The following LRMDA variants were observed in gnomAD, a reference collection of about 807,000 sequenced individuals.
LRMDA encodes the protein leucine-rich melanocyte differentiation-associated protein.
In LRMDA, 18 loss-of-function variants were observed where a neutral mutation model predicts 29.8. That is an observed-to-expected ratio of 0.60 (90% CI 0.42 to 0.90). The LOEUF is 0.90. LRMDA is among the 40% of genes least tolerant of loss of function. The probability of loss-of-function intolerance (pLI) is 0.00; values close to 1 mark genes in which losing one functional copy is unlikely to be tolerated. For missense variants in LRMDA, 273 were observed against 273.9 expected (o/e 1.00, Z 0.02); for synonymous variants, 125 against 109.4 (o/e 1.14, Z -0.89).
At chr10:76,319,825 C>T (rs531943608) in intron 5 of LRMDA, among the ~76,000 whole-genome samples, 7 of 152,232 alleles carry the variant, frequency 4.6e-5, no homozygotes, top group African/African-American at 7.2e-5. Context: ...CATGCCAAAG[C>T]GCTCCACTTG....
intron 5 of LRMDA, among the ~76,000 whole-genome samples, chr10:76,124,258 A>G (rs1849839703): frequency 6.6e-6 from 1 of 152,210 alleles, no homozygotes; most frequent in South Asian, 2.1e-4. Flanking sequence ...ATTTCTCAGG[A>G]TGACCCAGAA....
chr10:75,487,118 G>C (rs2132057774), intron 2 of LRMDA, among the ~76,000 whole-genome samples: 1 of 152,270 alleles, frequency 6.6e-6, no homozygotes, highest in East Asian at 1.9e-4. Flanking sequence ...AATGATGTGT[G>C]GTTGGTAGGA....
At chr10:75,726,052 C>T (rs1278847910) in intron 2 of LRMDA, among the ~76,000 whole-genome samples, 1 of 152,148 alleles carries the variant, frequency 6.6e-6, no homozygotes, top group Non-Finnish European at 1.5e-5. Context: ...TTAGTGCAAT[C>T]AGTCAACACT....
chr10:75,478,501 C>T (rs1208201857), intron 2 of LRMDA, among the ~76,000 whole-genome samples: 1 of 152,172 alleles, frequency 6.6e-6, no homozygotes, highest in Admixed American at 6.5e-5. Flanking sequence ...CTATATTTGA[C>T]TGAATTAAGC....
At chr10:76,306,738 A>T (rs768995541) in intron 5 of LRMDA, among the ~76,000 whole-genome samples, 1 of 152,224 alleles carries the variant, frequency 6.6e-6, no homozygotes, top group African/African-American at 2.4e-5. Context: ...TGCATATGTC[A>T]AAATTAAAAC....
intron 3 of LRMDA, among the ~76,000 whole-genome samples, chr10:76,038,968 AG>A (rs1848297771): frequency 6.6e-6 from 1 of 152,186 alleles, no homozygotes; most frequent in Non-Finnish European, 1.5e-5. Context: ...GGATGGTCTA[AG>A]ATGACCTCAC....
chr10:75,438,359 T>G (rs779672306), intron 1 of LRMDA, 35 bp from the exon 2 acceptor site: 24 of 1,496,642 alleles, frequency 1.6e-5, no homozygotes, highest in Admixed American at 3.9e-5. Flanking sequence ...GTGATTTCCA[T>G]TTGCCACATT....
chr10:75,588,383 G>A (rs1057323956), intron 2 of LRMDA, among the ~76,000 whole-genome samples: 2 of 152,204 alleles, frequency 1.3e-5, no homozygotes, highest in African/African-American at 2.4e-5. Context: ...GGGGCTTGTA[G>A]TCCTTTTGTC....
At chr10:76,298,853 T>C (rs1304060736) in intron 5 of LRMDA, among the ~76,000 whole-genome samples, 2 of 152,194 alleles carry the variant, frequency 1.3e-5, no homozygotes, top group Non-Finnish European at 2.9e-5. Context: ...CATGTGGGTC[T>C]AATTGTTTCT....
rs529149978 is a variant in LRMDA at position 76,556,090 on chromosome 10, G to A, written c.602-1119G>A. Among the ~76,000 whole-genome samples the A allele has an allele frequency of 2.0e-5, 3 of 152,324 alleles. No individual in the cohort carries two copies. The South Asian group carries it at 6.2e-4, about 32-fold the overall frequency. On this transcript the variant is annotated intron_variant, in intron 6 of 6. Transcript: ENST00000611255. ...CAGAGCTTTCATAATAACTATGGAA[G>A]TGATTTCTTATGGGCATTTAGAATA... is the stretch of plus-strand genomic sequence containing the variant.
chr10:75,880,503 C>A (rs1013961271), intron 2 of LRMDA, among the ~76,000 whole-genome samples: 2 of 152,232 alleles, frequency 1.3e-5, no homozygotes, highest in Non-Finnish European at 2.9e-5. Context: ...AGGATTCACA[C>A]AATTCCTTTG....
At chr10:76,541,587 G>A (rs1296878358) in intron 6 of LRMDA, among the ~76,000 whole-genome samples, 1 of 130,352 alleles carries the variant, frequency 7.7e-6, no homozygotes, top group African/African-American at 2.5e-5. Context: ...TTGTGTTTTT[G>A]TTTCCAGGGG....
intron 2 of LRMDA, among the ~76,000 whole-genome samples, chr10:75,558,764 G>A (rs563501182): frequency 1.3e-5 from 2 of 148,802 alleles, no homozygotes; most frequent in African/African-American, 4.9e-5. Flanking sequence ...TTCCACCTAT[G>A]AGTGAGAACA....
chr10:76,075,547 T>C (rs945651092), intron 5 of LRMDA, among the ~76,000 whole-genome samples: 15 of 152,222 alleles, frequency 9.9e-5, no homozygotes, highest in Admixed American at 2.6e-4. Flanking sequence ...GCAGCTCAAA[T>C]GAGTGCTCCA....
chr10:75,734,685 A>G (rs537072187), intron 2 of LRMDA, among the ~76,000 whole-genome samples: 73 of 152,318 alleles, frequency 4.8e-4, no homozygotes, highest in African/African-American at 1.7e-3. Context: ...GCAGACCTGG[A>G]TTCCCCTCTG....
intron 6 of LRMDA, among the ~76,000 whole-genome samples, chr10:76,524,793 G>A (rs1472504960): frequency 6.6e-6 from 1 of 152,172 alleles, no homozygotes; most frequent in Non-Finnish European, 1.5e-5. Flanking sequence ...GTGCCATCTC[G>A]CTGGACAAAA....
chr10:75,495,089 A>T (rs1845028709), intron 2 of LRMDA, among the ~76,000 whole-genome samples: 2 of 152,224 alleles, frequency 1.3e-5, no homozygotes, highest in Admixed American at 6.5e-5. Context: ...AGAGAATTGC[A>T]GTCTTTTACC....
chr10:76,420,834 T>C (rs186196680), intron 6 of LRMDA, among the ~76,000 whole-genome samples: 5 of 152,258 alleles, frequency 3.3e-5, no homozygotes, highest in African/African-American at 1.2e-4. Flanking sequence ...TTCTTAGTTA[T>C]CTTTTGTTAA....
chr10:75,732,829 ATGCTCCTG>A (rs1320529989), intron 2 of LRMDA, among the ~76,000 whole-genome samples: 1 of 152,184 alleles, frequency 6.6e-6, no homozygotes, highest in African/African-American at 2.4e-5. Context: ...ACACTGTGGC[ATGCTCCTG>A]GGCCCTGAGG....
Sources: allele counts gnomAD v4.1 joint callset (sites outside exome capture counted in the v4.1 genomes callset), GRCh38; gene constraint gnomAD v4.1.1; transcripts MANE v1.5; gene names NCBI Gene and HGNC (gene_info 2026-07-23, HGNC 2026-07-21).